Variants in PCNT observed in about 807,000 individuals in gnomAD.
PCNT encodes pericentrin.
Under a neutral mutation model 380.4 loss-of-function variants are expected in PCNT, and 319 were observed. The observed-to-expected ratio is 0.84, with a 90% CI of 0.77 to 0.92. PCNT has a LOEUF of 0.92. PCNT is among the 40% of genes least tolerant of loss of function. The pLI is 0.00. For synonymous variants in PCNT, 1,845 were observed against 1,735.2 expected (o/e 1.06, Z -1.57); for missense variants, 4,400 against 4,255.3 (o/e 1.03, Z -0.95).
chr21:46,419,904 C>A (rs905103027), intron 31 of PCNT, among the ~76,000 whole-genome samples: 2 of 152,216 alleles, frequency 1.3e-5, no homozygotes, highest in African/African-American at 4.8e-5. Flanking sequence ...CTGCGCCTGG[C>A]CAGCCCCCTC....
At chr21:46,374,522 C>G (rs1275896860) in intron 15 of PCNT, among the ~76,000 whole-genome samples, 1 of 152,138 alleles carries the variant, frequency 6.6e-6, no homozygotes, top group Non-Finnish European at 1.5e-5. Flanking sequence ...CTCTCCTGGT[C>G]TCCTGGTCTT....
At position 46,432,052 on chromosome 21, in the gene PCNT, G is replaced by A. The variant is rs1003393132; in HGVS notation, c.8588G>A (p.Arg2863Lys). ...QKRELRCSLE[R>K]EREKPAWLQA... Reference sequence around the variant, plus strand: ...CGAGAGCTGAGATGCTCTCTGGAGAGAGAGAGGGAGAAACCAGCGTGGTTG... The same window carrying A: ...CGAGAGCTGAGATGCTCTCTGGAGAAAGAGAGGGAGAAACCAGCGTGGTTG... The change falls in exon 38 of 47, where the codon AGA becomes AAA. Residue 2863 changes from arginine (R) to lysine (K), a missense_variant. Arg to Lys is a conservative substitution (Grantham distance 26). Coordinates refer to ENST00000359568, the MANE Select transcript of PCNT (RefSeq NM_006031.6). 4 of 1,613,924 alleles carry A rather than the reference G, an allele frequency of 2.5e-6. No individual in the cohort carries two copies. In the African/African-American group the frequency reaches 4.0e-5, roughly 16 times the overall value.
In PCNT at chr21:46,373,342, G is replaced by A. The variant is rs73377330; in HGVS notation, c.3165+6203G>A. Among the ~76,000 whole-genome samples, 913 of 151,992 alleles carry A rather than the reference G, an allele frequency of 6.0e-3. 11 individuals carry two copies. Among genetic ancestry groups the A allele is most frequent in the African/African-American group, 0.021 (856 of 41,438 alleles). On this transcript the variant is annotated intron_variant, in intron 15 of 46. Transcript: ENST00000359568. ...ACTATTATCGGAATACTCCTAGAGCGTCTTTGCAGTATTTTTGTAGTTGAG... is the reference window on the plus strand; with the variant it reads ...ACTATTATCGGAATACTCCTAGAGCATCTTTGCAGTATTTTTGTAGTTGAG...
At position 46,430,036 on chromosome 21, in the gene PCNT, C is replaced by T. The variant is rs1569297022; in HGVS notation, c.7717C>T (p.Gln2573Ter). The change falls in exon 36 of 47, where the codon CAG becomes TAG. Residue 2573 changes from glutamine to a stop codon, truncating the protein, a stop_gained. Coordinates refer to ENST00000359568, the MANE Select transcript of PCNT (RefSeq NM_006031.6). LOFTEE classifies it high-confidence loss of function. ...QVELLAYKVE[Q>*]EKCIAGDLQK... ...TGAACTGCTGGCTTATAAAGTAGAG[C>T]AGGAGAAGTGCATTGCTGGTGACTT... 6.2e-7 allele frequency: 1 copy of T among 1,614,182 alleles called. No homozygotes were observed.
intron 26 of PCNT, 72 bp from the exon 27 acceptor site, chr21:46,402,259 A>C: frequency 9.7e-7 from 1 of 1,033,084 alleles, no homozygotes; most frequent in Non-Finnish European, 1.4e-6. Flanking sequence ...TATTTTAATA[A>C]TGTCTTAATT....
At position 46,334,554 on chromosome 21, in the gene PCNT, A is replaced by G; in HGVS notation, c.425A>G (p.Gln142Arg). 7 of 1,599,322 alleles carry G rather than the reference A, an allele frequency of 4.4e-6. No individual in the cohort carries two copies. The highest frequency in any genetic ancestry group is 6.0e-6 in the Non-Finnish European group (7 of 1,169,576). ...MFTVGDHPPE[Q>R]RGMFTVSDHP... ...ACAGTCGGTGACCACCCACCAGAAC[A>G]GCGTGGGATGTTCACAGTCAGTGAC... Residue 142 changes from glutamine to arginine, a missense_variant, in exon 3 of 47, where the codon CAG becomes CGG. By Grantham distance (43) the Gln-to-Arg change is conservative. Transcript: ENST00000359568.
chr21:46,347,586 C>CG lies in PCNT; in HGVS notation c.1032+75dup, dbSNP rs199840310. Reference sequence around the variant, plus strand: ...CCTTTCTCGCCAGGTCCCATGAGAACGCTCCTCACCTTGATTCAGACAGAA... The same window carrying CG: ...CCTTTCTCGCCAGGTCCCATGAGAACGGCTCCTCACCTTGATTCAGACAGAA... On this transcript the variant is annotated intron_variant, in intron 6 of 46. Transcript: ENST00000359568. 1,337 of 1,349,054 alleles carry CG rather than the reference C, an allele frequency of 9.9e-4. 20 individuals carry two copies. In the East Asian group the frequency reaches 0.025, roughly 25 times the overall value. 83.6% of individuals were successfully genotyped at this position (1,349,054 alleles called of 1,614,324 possible).
In PCNT at chr21:46,373,464, G is replaced by A. The variant is rs181689919; in HGVS notation, c.3165+6325G>A. 1.1e-3 allele frequency among the ~76,000 whole-genome samples: 144 copies of A among 133,300 alleles called. 1 individual carries two copies. In the Middle Eastern group the frequency reaches 0.019, roughly 18 times the overall value. 87.4% of individuals were successfully genotyped at this position (133,300 alleles called of 152,430 possible). On this transcript the variant is annotated intron_variant, in intron 15 of 46. Coordinates refer to ENST00000359568, the MANE Select transcript of PCNT (RefSeq NM_006031.6). ...TTTTTTTTTTTTGAGACAGAGTCTCGCTCTGTCTCCAGGCTGGAGTGCAGT... is the reference window on the plus strand; with the variant it reads ...TTTTTTTTTTTTGAGACAGAGTCTCACTCTGTCTCCAGGCTGGAGTGCAGT...
In PCNT at chr21:46,386,329, C is replaced by T. The variant is rs115863550; in HGVS notation, c.3464+346C>T. 2.8e-3 allele frequency among the ~76,000 whole-genome samples: 434 copies of T among 152,384 alleles called. 2 individuals carry two copies. The highest frequency in any genetic ancestry group is 0.01 in the African/African-American group (416 of 41,596). ...GCGTCCCCGCAGCGTGTCCTCGTCC[C>T]CGGCACGGGGTGCAGGCCCACATGT... is the stretch of plus-strand genomic sequence containing the variant. On this transcript the variant is annotated intron_variant, in intron 17 of 46. Coordinates refer to ENST00000359568, the MANE Select transcript of PCNT (RefSeq NM_006031.6).
intron 3 of PCNT, among the ~76,000 whole-genome samples, chr21:46,337,358 A>G (rs764686136): frequency 1.3e-5 from 2 of 152,182 alleles, no homozygotes; most frequent in African/African-American, 2.4e-5. Flanking sequence ...ATAAGAAACA[A>G]ATTTACCAAG....
intron 21 of PCNT, 74 bp downstream of exon 21, chr21:46,391,450 C>G: frequency 8.1e-7 from 1 of 1,237,672 alleles, no homozygotes; most frequent in African/African-American, 1.5e-5. Flanking sequence ...TCCCCAGCTC[C>G]CAAGGACACT....
chr21:46,324,305 C>T (rs1469736084), intron 1 of PCNT, 23 bp downstream of exon 1: 5 of 1,588,360 alleles, frequency 3.1e-6, no homozygotes, highest in African/African-American at 1.3e-5. Context: ...GGCTTCTTCT[C>T]TAGCTGCTCT....
chr21:46,393,547 G>A (rs772552381), intron 21 of PCNT, among the ~76,000 whole-genome samples: 3 of 152,114 alleles, frequency 2.0e-5, no homozygotes, highest in Admixed American at 6.5e-5. Context: ...ACACCCCGCC[G>A]GGGGAGACCA....
intron 38 of PCNT, among the ~76,000 whole-genome samples, chr21:46,435,328 T>C (rs56016846): frequency 0.36 from 54,570 of 151,468 alleles, 10,591 homozygotes; most frequent in African/African-American, 0.51. Flanking sequence ...TAGGTTCAAG[T>C]GATTCTCCTG....
rs115377616 is a variant in PCNT at position 46,379,229 on chromosome 21, C to T, written c.3166-2465C>T. 8.2e-3 allele frequency among the ~76,000 whole-genome samples: 1,243 copies of T among 152,280 alleles called. 19 individuals are homozygous for T. The highest frequency in any genetic ancestry group is 0.028 in the African/African-American group (1,175 of 41,562). On this transcript the variant is annotated intron_variant, in intron 15 of 46. Coordinates refer to ENST00000359568, the MANE Select transcript of PCNT (RefSeq NM_006031.6). Reference sequence around the variant, plus strand: ...GCTCTCCGCTGCCTCCCCTGTCATCCGGGGCTGCGTGTCGTGAGCTGCGCC... The same window carrying T: ...GCTCTCCGCTGCCTCCCCTGTCATCTGGGGCTGCGTGTCGTGAGCTGCGCC...
Position 46,430,203 on chromosome 21 carries a change from C to T in PCNT, c.7884C>T (p.Cys2628=), listed in dbSNP as rs753961366. 29 of 1,613,702 alleles carry T rather than the reference C, an allele frequency of 1.8e-5. No individual in the cohort carries two copies. The highest frequency in any genetic ancestry group is 1.6e-4 in the African/African-American group (12 of 74,916). Residue 2628 remains cysteine, a synonymous_variant, in exon 36 of 47, where the codon TGC becomes TGT. Coordinates refer to ENST00000359568, the MANE Select transcript of PCNT (RefSeq NM_006031.6). Reference sequence around the variant, plus strand: ...GCGAACAGCTGTCCCGGTCCCTCTGCGAGGTGCAGCAGGAGGTCCTCCAGC... The same window carrying T: ...GCGAACAGCTGTCCCGGTCCCTCTGTGAGGTGCAGCAGGAGGTCCTCCAGC... ...QKSEQLSRSL[C]EVQQEVLQLR...
intron 3 of PCNT, among the ~76,000 whole-genome samples, chr21:46,337,666 T>C (rs1055246834): frequency 6.6e-6 from 1 of 152,206 alleles, no homozygotes; most frequent in African/African-American, 2.4e-5. Context: ...CTCCGCAATC[T>C]CCGCTTCCCG....
intron 15 of PCNT, among the ~76,000 whole-genome samples, chr21:46,380,107 C>G (rs980580279): frequency 1.4e-5 from 2 of 145,288 alleles, no homozygotes; most frequent in African/African-American, 5.1e-5. Context: ...CTATTAAACA[C>G]TTGACACTGA....
chr21:46,353,542 C>T (rs1222404312), intron 10 of PCNT, among the ~76,000 whole-genome samples: 1 of 151,966 alleles, frequency 6.6e-6, no homozygotes, highest in Non-Finnish European at 1.5e-5. Context: ...ACACTCTGTC[C>T]AGGCCTGCGT....
Sources: gnomAD v4.1 joint callset for allele counts (sites outside exome capture counted in the v4.1 genomes callset) on GRCh38, gnomAD v4.1.1 for gene constraint, MANE v1.5 for transcripts, NCBI Gene and HGNC (gene_info 2026-07-23, HGNC 2026-07-21) for gene names.